The following LINGO2 variants were observed in gnomAD, a reference collection of about 807,000 sequenced individuals.
LINGO2 encodes the protein leucine rich repeat and Ig domain containing 2.
In LINGO2, 14 loss-of-function variants were observed where a neutral mutation model predicts 30.6. The ratio of observed to expected loss-of-function variants is 0.46; its 90% confidence interval spans 0.30 to 0.72. The LOEUF (loss-of-function observed/expected upper bound fraction) is 0.72. Ranked by LOEUF, LINGO2 falls within the 30% of genes least tolerant of loss-of-function variation. The pLI is 0.07. For synonymous variants in LINGO2, 317 were observed against 288.5 expected, an observed-to-expected ratio of 1.10 and a Z score of -1.00; for missense variants, 729 against 751.7, an observed-to-expected ratio of 0.97 and a Z score of 0.35.
chr9:28,084,563 A>G (rs879884130), intron 4 of LINGO2, among the ~76,000 whole-genome samples: 5 of 152,090 alleles, frequency 3.3e-5, no homozygotes, highest in African/African-American at 9.7e-5. Context: ...TTAAAAACCT[A>G]TGAGGTAGAC....
intron 1 of LINGO2, among the ~76,000 whole-genome samples, chr9:28,487,384 C>T (rs1398260448): frequency 1.3e-5 from 2 of 152,108 alleles, no homozygotes; most frequent in African/African-American, 2.4e-5. Context: ...TAAGCCAATC[C>T]TACTTGAATA....
intron 3 of LINGO2, among the ~76,000 whole-genome samples, chr9:28,367,212 T>C (rs1296703855): frequency 1.3e-5 from 2 of 152,224 alleles, no homozygotes; most frequent in Admixed American, 1.3e-4. Context: ...GTAATTGCCC[T>C]GTTTCATGAC....
chr9:28,221,090 G>A (rs1261610424), intron 4 of LINGO2, among the ~76,000 whole-genome samples: 1 of 152,006 alleles, frequency 6.6e-6, no homozygotes, highest in Non-Finnish European at 1.5e-5. Context: ...ACGAGGTCAG[G>A]AGATCGAAAC....
At chr9:28,575,278 AT>A (rs1823901453) in intron 1 of LINGO2, among the ~76,000 whole-genome samples, 1 of 151,948 alleles carries the variant, frequency 6.6e-6, no homozygotes, top group Admixed American at 6.6e-5. Flanking sequence ...GGCGCCTGTA[AT>A]CCCAGCTACT....
intron 1 of LINGO2, among the ~76,000 whole-genome samples, chr9:28,617,303 T>C (rs971152044): frequency 2.2e-5 from 3 of 139,146 alleles, no homozygotes; most frequent in Non-Finnish European, 4.5e-5. Flanking sequence ...TTTTCTTTTC[T>C]TTTTTTTTTC....
the LINGO2 span, among the ~76,000 whole-genome samples, chr9:28,818,601 G>C: frequency 6.6e-6 from 1 of 152,104 alleles, no homozygotes; most frequent in Admixed American, 6.6e-5. Flanking sequence ...GGCCAGGTTG[G>C]TCTCGAACTC....
At chr9:28,127,507 T>G (rs1339789539) in intron 4 of LINGO2, among the ~76,000 whole-genome samples, 1 of 152,212 alleles carries the variant, frequency 6.6e-6, no homozygotes, top group Non-Finnish European at 1.5e-5. Flanking sequence ...GAGGAGTAGA[T>G]GTAGACAGTA....
the LINGO2 span, among the ~76,000 whole-genome samples, chr9:28,930,880 G>T: frequency 1.3e-5 from 2 of 152,142 alleles, no homozygotes; most frequent in African/African-American, 4.8e-5. The surrounding 1 kb of genome is among the most constrained non-coding windows in gnomAD (Gnocchi z 4.2). Context: ...AATCACCTGT[G>T]AGAAGGTATT....
intron 1 of LINGO2, among the ~76,000 whole-genome samples, chr9:28,535,427 G>T (rs1000106836): frequency 4.0e-4 from 61 of 152,244 alleles, no homozygotes; most frequent in African/African-American, 1.4e-3. Flanking sequence ...AAAATGGTAT[G>T]CAGTTGGGAG....
Position 28,148,925 on chromosome 9 carries a change from C to G in LINGO2, c.-86-136520G>C. The G allele has an allele frequency of 8.5e-6, 13 of 1,533,910 alleles. No individual in the cohort carries two copies. The highest frequency in any genetic ancestry group is 5.9e-5 in the Admixed American group (3 of 50,998). On this transcript the variant is annotated intron_variant, in intron 4 of 5. Coordinates refer to ENST00000379992, the Ensembl canonical transcript of LINGO2. This position sits in a 1 kb window ranked among gnomAD's most constrained non-coding sequence, Gnocchi z 5.1. ...AGCTCTTGGGTCAAGTAGGTCTTCT[C>G]CACACAGAGCTGCCGGCCACAGTTC...
At chr9:28,918,187 G>C in the LINGO2 span, among the ~76,000 whole-genome samples, 24 of 152,072 alleles carry the variant, frequency 1.6e-4, no homozygotes, top group East Asian at 1.9e-4. Context: ...AGGAGGTGAA[G>C]GGCACTTCTT....
intron 4 of LINGO2, among the ~76,000 whole-genome samples, chr9:28,175,389 C>T (rs1828723013): frequency 6.6e-6 from 1 of 152,080 alleles, no homozygotes; most frequent in African/African-American, 2.4e-5. Flanking sequence ...TTCTTTTTCT[C>T]CTTCCAAAGC....
chr9:28,717,342 TA>T, the LINGO2 span, among the ~76,000 whole-genome samples: 16,774 of 112,198 alleles, frequency 0.15, 1,313 homozygotes, highest in Admixed American at 0.29. Context: ...GACCCTAATC[TA>T]AAAAAAAAAA....
chr9:29,000,594 C>G, the LINGO2 span, among the ~76,000 whole-genome samples: 1 of 151,846 alleles, frequency 6.6e-6, no homozygotes, highest in Non-Finnish European at 1.5e-5. Context: ...TTCTTACATT[C>G]TGAAATACCT....
chr9:28,773,596 G>C, the LINGO2 span, among the ~76,000 whole-genome samples: 1 of 152,082 alleles, frequency 6.6e-6, no homozygotes, highest in Admixed American at 6.6e-5. Context: ...CAGGAAACCT[G>C]CATCTCTAAG....
At chr9:28,563,541 C>G (rs1344965430) in intron 1 of LINGO2, among the ~76,000 whole-genome samples, 1 of 152,166 alleles carries the variant, frequency 6.6e-6, no homozygotes, top group Non-Finnish European at 1.5e-5. Flanking sequence ...CTCAAATTAA[C>G]TGTCTTTGTT....
At chr9:29,032,390 T>C in the LINGO2 span, among the ~76,000 whole-genome samples, 1 of 152,166 alleles carries the variant, frequency 6.6e-6, no homozygotes, top group African/African-American at 2.4e-5. Flanking sequence ...ACAGCAAAGC[T>C]CAGCAATCTT....
chr9:28,052,847 A>G (rs933207583), intron 4 of LINGO2, among the ~76,000 whole-genome samples: 1 of 152,120 alleles, frequency 6.6e-6, no homozygotes, highest in African/African-American at 2.4e-5. Context: ...TCATTTGGAT[A>G]TTTTATGTGA....
chr9:28,632,736 A>G (rs1426393313), intron 1 of LINGO2, among the ~76,000 whole-genome samples: 2 of 136,392 alleles, frequency 1.5e-5, no homozygotes, highest in African/African-American at 5.6e-5. Context: ...ATAGATCTAT[A>G]TATTTATATA....
Sources: gnomAD v4.1 joint callset for allele counts (sites outside exome capture counted in the v4.1 genomes callset) on GRCh38, gnomAD v4.1.1 for gene constraint, Gnocchi (gnomAD v3.1) non-coding constraint, MANE v1.5 for transcripts, NCBI Gene and HGNC (gene_info 2026-07-23, HGNC 2026-07-21) for gene names.